CCSER1: variants seen among roughly 807,000 people sequenced by gnomAD.
CCSER1 encodes coiled-coil serine rich protein 1.
A neutral mutation model predicts 82.0 loss-of-function variants in CCSER1; 41 were observed. The ratio of observed to expected loss-of-function variants is 0.50; its 90% CI spans 0.39 to 0.65. The LOEUF is 0.65. Among genes scored for constraint, CCSER1 ranks in the 30% least tolerant of loss-of-function variants. CCSER1 has a pLI of 0.00. For missense variants in CCSER1, 1,119 were observed against 1,064.2 expected (o/e 1.05, Z -0.72); for synonymous variants, 414 against 383.9 (o/e 1.08, Z -0.92).
chr4:91,007,354 G>A (rs1482955307), intron 9 of CCSER1, among the ~76,000 whole-genome samples: 1 of 152,168 alleles, frequency 6.6e-6, no homozygotes, highest in Non-Finnish European at 1.5e-5. Flanking sequence ...AATAGTTTGG[G>A]AAGAATTGGT....
intron 10 of CCSER1, among the ~76,000 whole-genome samples, chr4:91,571,433 G>A (rs150186454): frequency 1.1e-3 from 160 of 152,262 alleles, no homozygotes; most frequent in Non-Finnish European, 2.0e-3. Flanking sequence ...AATTTATAAA[G>A]AAAAGAGATT....
At position 91,551,656 on chromosome 4, in the gene CCSER1, AACACACACACAC is replaced by A. The variant is rs58159693; in HGVS notation, c.2218-46882_2218-46871del. Among the ~76,000 whole-genome samples the A allele has an allele frequency of 2.3e-3, 314 of 139,518 alleles. 1 individual carries two copies. Among genetic ancestry groups the A allele is most frequent in the Admixed American group, 5.8e-3 (79 of 13,714 alleles). 91.5% of individuals were successfully genotyped at this position (139,518 alleles called of 152,430 possible). On this transcript the variant is annotated intron_variant, in intron 10 of 10. Coordinates refer to ENST00000509176, the MANE Select transcript of CCSER1 (RefSeq NM_001145065.2). ...TTCCTGAAGCAGCAGGCAAAAAACA[AACACACACACAC>A]ACACACACACACACACACACACACA...
At chr4:90,149,585 G>A (rs1486122530) in intron 1 of CCSER1, among the ~76,000 whole-genome samples, 1 of 152,022 alleles carries the variant, frequency 6.6e-6, no homozygotes, top group Non-Finnish European at 1.5e-5. Context: ...TTTGAGAAAG[G>A]GAAAGCAAGT....
chr4:90,805,223 T>C (rs931117418), intron 7 of CCSER1, among the ~76,000 whole-genome samples: 1 of 152,194 alleles, frequency 6.6e-6, no homozygotes, highest in African/African-American at 2.4e-5. Context: ...TCTAGCCTTG[T>C]GTTTCTCAGG....
At chr4:91,264,910 C>T (rs1741460272) in intron 10 of CCSER1, among the ~76,000 whole-genome samples, 1 of 151,926 alleles carries the variant, frequency 6.6e-6, no homozygotes, top group African/African-American at 2.4e-5. Flanking sequence ...AAATATTTAT[C>T]TGATTATATA....
intron 5 of CCSER1, among the ~76,000 whole-genome samples, chr4:90,510,313 C>T (rs1239893626): frequency 1.3e-5 from 2 of 152,062 alleles, no homozygotes; most frequent in Non-Finnish European, 2.9e-5. Context: ...CCAAAATACG[C>T]AAGTATTTTT....
At chr4:90,162,120 A>C (rs1729568461) in intron 1 of CCSER1, among the ~76,000 whole-genome samples, 1 of 152,094 alleles carries the variant, frequency 6.6e-6, no homozygotes, top group African/African-American at 2.4e-5. Context: ...AGGTGTACAA[A>C]GTATGAACCA....
At chr4:91,133,954 C>T (rs1728230337) in intron 10 of CCSER1, among the ~76,000 whole-genome samples, 1 of 152,090 alleles carries the variant, frequency 6.6e-6, no homozygotes, top group African/African-American at 2.4e-5. Flanking sequence ...CAAAAATTAG[C>T]CAGGCAAGGT....
At chr4:90,235,534 A>G (rs1262355119) in intron 1 of CCSER1, among the ~76,000 whole-genome samples, 1 of 152,214 alleles carries the variant, frequency 6.6e-6, no homozygotes, top group African/African-American at 2.4e-5. Flanking sequence ...AGTCTTAACT[A>G]CATTAGATAT....
chr4:91,564,744 T>C (rs776262734), intron 10 of CCSER1, among the ~76,000 whole-genome samples: 3 of 151,986 alleles, frequency 2.0e-5, no homozygotes, highest in Admixed American at 6.6e-5. Context: ...TTCTCTCTTG[T>C]TAATTTGTTT....
At chr4:91,302,422 C>T (rs1294053535) in intron 10 of CCSER1, among the ~76,000 whole-genome samples, 1 of 151,972 alleles carries the variant, frequency 6.6e-6, no homozygotes, top group African/African-American at 2.4e-5. Context: ...ACTGCATCTA[C>T]TTTCATCCAA....
chr4:90,717,305 C>T (rs1338420978), intron 6 of CCSER1, among the ~76,000 whole-genome samples: 1 of 152,058 alleles, frequency 6.6e-6, no homozygotes, highest in Admixed American at 6.6e-5. Flanking sequence ...GTGAAATGAA[C>T]TGGATGCTAG....
chr4:90,314,061 A>G (rs1243221706), intron 3 of CCSER1, among the ~76,000 whole-genome samples: 1 of 152,164 alleles, frequency 6.6e-6, no homozygotes, highest in Non-Finnish European at 1.5e-5. Flanking sequence ...GTAAGGTAAC[A>G]TTGTGTGATA....
chr4:90,392,384 A>C (rs376605175), intron 3 of CCSER1, among the ~76,000 whole-genome samples: 34 of 152,228 alleles, frequency 2.2e-4, no homozygotes, highest in East Asian at 1.5e-3. Context: ...TTTTCTAAAC[A>C]GCAAAGTATT....
At chr4:90,319,249 A>G (rs1736689376) in intron 3 of CCSER1, among the ~76,000 whole-genome samples, 1 of 152,132 alleles carries the variant, frequency 6.6e-6, no homozygotes, top group Admixed American at 6.5e-5. Context: ...CAGTCTCAAA[A>G]CACCCCACTT....
chr4:91,539,640 A>G (rs552559227), intron 10 of CCSER1, among the ~76,000 whole-genome samples: 3 of 152,254 alleles, frequency 2.0e-5, no homozygotes, highest in Admixed American at 2.0e-4. Flanking sequence ...TCAGGAAATT[A>G]TGACAGAATT....
intron 10 of CCSER1, among the ~76,000 whole-genome samples, chr4:91,376,236 G>T (rs541949859): frequency 1.3e-5 from 2 of 152,280 alleles, no homozygotes; most frequent in South Asian, 4.1e-4. Flanking sequence ...GAAATGTATT[G>T]TTAGGTGATT....
intron 8 of CCSER1, among the ~76,000 whole-genome samples, chr4:90,859,356 A>G (rs1407682394): frequency 6.6e-6 from 1 of 151,874 alleles, no homozygotes; most frequent in Non-Finnish European, 1.5e-5. Flanking sequence ...TTGACTGCAT[A>G]TTTAATTAAT....
intron 10 of CCSER1, among the ~76,000 whole-genome samples, chr4:91,112,966 G>A (rs1210376678): frequency 6.6e-6 from 1 of 152,190 alleles, no homozygotes; most frequent in African/African-American, 2.4e-5. Flanking sequence ...AAGACGTAAT[G>A]AGGGAATTTT....
Sources: allele counts gnomAD v4.1 joint callset (sites outside exome capture counted in the v4.1 genomes callset), GRCh38; gene constraint gnomAD v4.1.1; transcripts MANE v1.5; gene names NCBI Gene and HGNC (gene_info 2026-07-23, HGNC 2026-07-21).